The following SGCD variants were observed in gnomAD, a reference collection of about 807,000 sequenced individuals.
SGCD encodes sarcoglycan delta.
Under a neutral mutation model 36.6 loss-of-function variants are expected in SGCD, and 18 were observed. The observed-to-expected ratio is 0.49, with a 90% confidence interval of 0.34 to 0.73. The LOEUF is 0.73. Among genes scored for constraint, SGCD ranks in the 30% least tolerant of loss-of-function variants. SGCD has a pLI of 0.01. For missense variants in SGCD, 387 were observed against 346.7 expected, an observed-to-expected ratio of 1.12 and a Z score of -0.92; for synonymous variants, 133 against 130.6, an observed-to-expected ratio of 1.02 and a Z score of -0.12.
intron 3 of SGCD, among the ~76,000 whole-genome samples, chr5:156,194,517 A>C (rs1312995028): frequency 6.6e-6 from 1 of 152,198 alleles, no homozygotes; most frequent in African/African-American, 2.4e-5. Context: ...AGGTGGAGAG[A>C]AAAACAGTCA....
chr5:156,295,192 T>C (rs1766863321), intron 3 of SGCD, among the ~76,000 whole-genome samples: 1 of 152,204 alleles, frequency 6.6e-6, no homozygotes, highest in African/African-American at 2.4e-5. Flanking sequence ...TCTGCCTGGC[T>C]TAATCTTGGT....
At chr5:155,886,600 A>G (rs1308425453) in intron 1 of SGCD, among the ~76,000 whole-genome samples, 3 of 152,210 alleles carry the variant, frequency 2.0e-5, no homozygotes, top group Non-Finnish European at 4.4e-5. Context: ...CAGATAATCC[A>G]GATGATATCC....
intron 3 of SGCD, among the ~76,000 whole-genome samples, chr5:156,185,763 G>A (rs1763727481): frequency 6.7e-6 from 1 of 149,766 alleles, no homozygotes; most frequent in East Asian, 2.0e-4. Context: ...CACTTCTGTT[G>A]TGAGACTTTT....
intron 4 of SGCD, among the ~76,000 whole-genome samples, chr5:156,516,185 G>A (rs1306747618): frequency 6.6e-6 from 1 of 152,240 alleles, no homozygotes; most frequent in African/African-American, 2.4e-5. Context: ...GCTTCATTAA[G>A]TAAGTGGCTG....
intron 3 of SGCD, among the ~76,000 whole-genome samples, chr5:156,390,194 AGTCT>A (rs1771490457): frequency 7.0e-6 from 1 of 143,784 alleles, no homozygotes; most frequent in Non-Finnish European, 1.5e-5. Flanking sequence ...ATTATTTTAG[AGTCT>A]ATGCCTTCTG....
At chr5:156,498,227 T>C (rs899285145) in intron 3 of SGCD, among the ~76,000 whole-genome samples, 8 of 130,196 alleles carry the variant, frequency 6.1e-5, no homozygotes, top group Non-Finnish European at 1.2e-4. Flanking sequence ...TTGAATTGGA[T>C]TGCTTTTTTT....
the SGCD span, among the ~76,000 whole-genome samples, chr5:155,754,526 T>C: frequency 6.6e-6 from 1 of 152,216 alleles, no homozygotes; most frequent in Non-Finnish European, 1.5e-5. Context: ...AGGAATGAGA[T>C]AACATTAGTT....
intron 1 of SGCD, among the ~76,000 whole-genome samples, chr5:156,046,659 G>C (rs187314487): frequency 6.6e-6 from 1 of 152,074 alleles, no homozygotes; most frequent in Admixed American, 6.6e-5. Flanking sequence ...GAACTTAACC[G>C]AGAAATGTCG....
the SGCD span, among the ~76,000 whole-genome samples, chr5:155,771,407 C>A: frequency 6.6e-6 from 1 of 151,634 alleles, no homozygotes; most frequent in Non-Finnish European, 1.5e-5. Flanking sequence ...CACCATCATG[C>A]CTGGCTAATT....
chr5:156,442,535 C>T (rs1753543045), intron 3 of SGCD, among the ~76,000 whole-genome samples: 1 of 152,202 alleles, frequency 6.6e-6, no homozygotes, highest in African/African-American at 2.4e-5. Context: ...GTGTATATTT[C>T]AGTCCACAGT....
chr5:156,329,663 C>A, intron 2 of SGCD, 84 bp downstream of exon 2: 2 of 1,289,474 alleles, frequency 1.6e-6, no homozygotes, highest in Non-Finnish European at 1.1e-6. Context: ...AAAAAGAGAA[C>A]AAAGTGTTAT....
chr5:156,599,392 G>A (rs989855623), intron 6 of SGCD, among the ~76,000 whole-genome samples: 2 of 152,094 alleles, frequency 1.3e-5, no homozygotes, highest in African/African-American at 4.8e-5. Context: ...AAAAAAAATG[G>A]AAGGAAGAAT....
chr5:156,209,825 A>G (rs929959122), intron 3 of SGCD, among the ~76,000 whole-genome samples: 3 of 152,026 alleles, frequency 2.0e-5, no homozygotes, highest in Admixed American at 6.6e-5. Flanking sequence ...GAGGCCCCAG[A>G]ACCCCTCTGA....
chr5:155,792,028 C>G, the SGCD span, among the ~76,000 whole-genome samples: 1 of 152,002 alleles, frequency 6.6e-6, no homozygotes, highest in East Asian at 1.9e-4. Flanking sequence ...CTATAATAAC[C>G]AAAACAACAT....
chr5:155,849,445 C>T, the SGCD span, among the ~76,000 whole-genome samples: 48 of 150,120 alleles, frequency 3.2e-4, no homozygotes, highest in Admixed American at 6.0e-4. Flanking sequence ...CATGTGCGCG[C>T]GCACACACAC....
intron 3 of SGCD, among the ~76,000 whole-genome samples, chr5:156,488,114 T>G (rs1561729037): frequency 2.8e-5 from 4 of 145,312 alleles, no homozygotes; most frequent in Non-Finnish European, 6.1e-5. Context: ...TTTTTTTTTT[T>G]TTTTTTTTTT....
intron 3 of SGCD, among the ~76,000 whole-genome samples, chr5:156,190,476 G>A (rs938627198): frequency 7.9e-5 from 12 of 152,016 alleles, no homozygotes; most frequent in African/African-American, 2.9e-4. Context: ...GGGTTTTTAA[G>A]TTTTGCCCTA....
chr5:155,752,367 A>G, the SGCD span, among the ~76,000 whole-genome samples: 1 of 152,124 alleles, frequency 6.6e-6, no homozygotes, highest in Non-Finnish European at 1.5e-5. Context: ...ATGTTCCCCT[A>G]AGATCTCATC....
intron 4 of SGCD, among the ~76,000 whole-genome samples, chr5:156,536,816 A>G (rs924481620): frequency 2.6e-5 from 4 of 152,136 alleles, no homozygotes; most frequent in Non-Finnish European, 5.9e-5. Context: ...ACCTCATTCA[A>G]AGTTAAGTAT....
Sources: allele counts gnomAD v4.1 joint callset (sites outside exome capture counted in the v4.1 genomes callset), GRCh38; gene constraint gnomAD v4.1.1; transcripts MANE v1.5; gene names NCBI Gene and HGNC (gene_info 2026-07-23, HGNC 2026-07-21).